The following SCFD1 variants were observed in gnomAD, a reference collection of about 807,000 sequenced individuals.
The protein encoded by SCFD1 is sec1 family domain-containing protein 1.
SCFD1 carries 37 observed loss-of-function variants against 103.2 expected under a neutral mutation model. The ratio of observed to expected loss-of-function variants is 0.36; its 90% CI spans 0.28 to 0.47. The LOEUF is 0.47. Ranked by LOEUF, SCFD1 falls within the 20% of genes least tolerant of loss-of-function variation. The pLI, the probability that SCFD1 is intolerant of heterozygous loss-of-function variation, is 1.00. For missense variants in SCFD1, 639 were observed against 761.2 expected (o/e 0.84, Z 1.89); for synonymous variants, 264 against 245.0 (o/e 1.08, Z -0.73).
At chr14:30,675,265 C>T in intron 14 of SCFD1, 200 bp downstream of exon 14, 1 of 385,552 alleles carries the variant, frequency 2.6e-6, no homozygotes, top group Non-Finnish European at 4.7e-6. Flanking sequence ...TTTCCAAGGT[C>T]ACATGTTTAG....
chr14:30,720,229 A>G (rs1892561312), intron 21 of SCFD1, among the ~76,000 whole-genome samples: 1 of 152,174 alleles, frequency 6.6e-6, no homozygotes, highest in African/African-American at 2.4e-5. Flanking sequence ...AACTGCCAAT[A>G]GCAGCTGCTG....
At chr14:30,632,745 A>C (rs1856299611) in intron 3 of SCFD1, among the ~76,000 whole-genome samples, 1 of 152,240 alleles carries the variant, frequency 6.6e-6, no homozygotes, top group Non-Finnish European at 1.5e-5. Context: ...ACAACCAGTT[A>C]ATAACAGAGC....
intron 3 of SCFD1, among the ~76,000 whole-genome samples, chr14:30,631,765 G>A (rs1884157432): frequency 6.6e-6 from 1 of 152,052 alleles, no homozygotes; most frequent in South Asian, 2.1e-4. Flanking sequence ...TGGAGAAGGG[G>A]CCAGGCACAG....
chr14:30,724,248 T>TTTTTG (rs1660062349), intron 23 of SCFD1, among the ~76,000 whole-genome samples: 1 of 118,826 alleles, frequency 8.4e-6, no homozygotes, highest in African/African-American at 3.6e-5. Context: ...TTTATGGGTT[T>TTTTTG]TTTTTTTTTT....
chr14:30,628,732 C>T (rs992492887), intron 2 of SCFD1, among the ~76,000 whole-genome samples: 1 of 152,148 alleles, frequency 6.6e-6, no homozygotes, highest in African/African-American at 2.4e-5. Context: ...ACAATCTTTT[C>T]CTTTGAGAAA....
chr14:30,732,527 TA>T (rs1893548354), intron 23 of SCFD1, among the ~76,000 whole-genome samples: 1 of 152,248 alleles, frequency 6.6e-6, no homozygotes, highest in African/African-American at 2.4e-5. Flanking sequence ...TGAATAATCC[TA>T]ATCTTTTCCC....
chr14:30,662,064 G>C (rs1457955288), intron 10 of SCFD1, among the ~76,000 whole-genome samples: 2 of 152,064 alleles, frequency 1.3e-5, no homozygotes, highest in South Asian at 4.1e-4. Context: ...AAAATCTTAA[G>C]TATGAAAGAA....
chr14:30,717,892 GAA>G (rs796227869), intron 20 of SCFD1, among the ~76,000 whole-genome samples: 13 of 86,656 alleles, frequency 1.5e-4, no homozygotes, highest in South Asian at 3.8e-4. Flanking sequence ...TCAAAAAAAA[GAA>G]AAAAAAAAAA....
intron 11 of SCFD1, among the ~76,000 whole-genome samples, chr14:30,670,678 C>T (rs1483426495): frequency 6.6e-6 from 1 of 152,016 alleles, no homozygotes; most frequent in Non-Finnish European, 1.5e-5. Flanking sequence ...TCTCCACTGA[C>T]TCTATAAGAC....
At position 30,721,602 on chromosome 14, in the gene SCFD1, G is replaced by T. The variant is rs911234124; in HGVS notation, c.1737-282G>T. The T allele has an allele frequency of 2.0e-5, 7 of 355,820 alleles. No homozygotes were observed. In the South Asian group the frequency reaches 2.9e-4, roughly 15 times the overall value. 22.0% of individuals were successfully genotyped at this position (355,820 alleles called of 1,614,324 possible). ...CAAACCCAGACTTACGCTCCTCCTC[G>T]TGGGAGTTGCTGCTCAGTCATCTAG... On this transcript the variant is annotated intron_variant, in intron 21 of 24. Coordinates refer to ENST00000458591, the MANE Select transcript of SCFD1 (RefSeq NM_016106.4).
At chr14:30,654,666 C>G (rs951820137) in intron 10 of SCFD1, among the ~76,000 whole-genome samples, 7 of 142,786 alleles carry the variant, frequency 4.9e-5, no homozygotes, top group Non-Finnish European at 1.0e-4. Context: ...AGAGCAAGAC[C>G]TAGTCTCAAA....
At chr14:30,632,182 G>T (rs1884240423) in intron 3 of SCFD1, among the ~76,000 whole-genome samples, 1 of 151,144 alleles carries the variant, frequency 6.6e-6, no homozygotes, top group Admixed American at 6.6e-5. Context: ...TATTTATGAT[G>T]TTATAACCAA....
chr14:30,641,446 A>T (rs1469692959), intron 6 of SCFD1, among the ~76,000 whole-genome samples: 1 of 152,154 alleles, frequency 6.6e-6, no homozygotes, highest in Non-Finnish European at 1.5e-5. Context: ...TGGAACTAGG[A>T]TATAGGACTC....
intron 10 of SCFD1, among the ~76,000 whole-genome samples, chr14:30,664,739 G>A (rs1391885401): frequency 3.3e-5 from 5 of 152,078 alleles, no homozygotes; most frequent in African/African-American, 4.8e-5. Context: ...CGAGAACTAC[G>A]TGATGCATGC....
chr14:30,717,552 TAA>T (rs2139398058), intron 20 of SCFD1, among the ~76,000 whole-genome samples: 1 of 152,280 alleles, frequency 6.6e-6, no homozygotes, highest in Non-Finnish European at 1.5e-5. Context: ...ATAATGACAG[TAA>T]TAATGATAAT....
At chr14:30,665,321 C>A (rs939854140) in intron 10 of SCFD1, among the ~76,000 whole-genome samples, 2 of 152,170 alleles carry the variant, frequency 1.3e-5, no homozygotes, top group African/African-American at 4.8e-5. Context: ...GAAATAAAAT[C>A]CTTTACAGAC....
intron 6 of SCFD1, among the ~76,000 whole-genome samples, chr14:30,642,859 A>G (rs770535674): frequency 2.0e-5 from 3 of 152,156 alleles, no homozygotes; most frequent in Non-Finnish European, 2.9e-5. Flanking sequence ...TTTTTAACAG[A>G]TATTTATTCA....
At chr14:30,691,514 A>G (rs979357864) in intron 14 of SCFD1, among the ~76,000 whole-genome samples, 1 of 152,158 alleles carries the variant, frequency 6.6e-6, no homozygotes, top group Non-Finnish European at 1.5e-5. Context: ...AGGTTAGAAA[A>G]TCTGTATAGC....
chr14:30,625,018 C>T (rs573374858), intron 1 of SCFD1, among the ~76,000 whole-genome samples: 85 of 152,290 alleles, frequency 5.6e-4, no homozygotes, highest in Admixed American at 1.3e-3. Context: ...ACTCCATCTT[C>T]CCCTTTCCCA....
Sources: allele counts gnomAD v4.1 joint callset (sites outside exome capture counted in the v4.1 genomes callset), GRCh38; gene constraint gnomAD v4.1.1; transcripts MANE v1.5; gene names NCBI Gene and HGNC (gene_info 2026-07-23, HGNC 2026-07-21).